Variants in IFT172 observed in about 807,000 individuals in gnomAD.
The protein encoded by IFT172 is intraflagellar transport protein 172 homolog.
IFT172 carries 164 observed loss-of-function variants against 248.9 expected under a neutral mutation model. That is an observed-to-expected ratio of 0.66 (90% CI 0.58 to 0.75). IFT172 has a LOEUF of 0.75. Among genes scored for constraint, IFT172 ranks in the 30% least tolerant of loss-of-function variants. The pLI is 0.00. For missense variants in IFT172, 1,950 were observed against 2,192.4 expected (o/e 0.89, Z 2.21); for synonymous variants, 729 against 791.6 (o/e 0.92, Z 1.33).
At chr2:27,457,404 T>C (rs1666245186) in intron 29 of IFT172, among the ~76,000 whole-genome samples, 1 of 152,058 alleles carries the variant, frequency 6.6e-6, no homozygotes. Flanking sequence ...AACTTGTCTC[T>C]ACAAAAAAAT....
At chr2:27,484,373 T>A (rs1285108467) in intron 3 of IFT172, 107 bp from the exon 4 acceptor site, 1 of 1,129,072 alleles carries the variant, frequency 8.9e-7, no homozygotes, top group Non-Finnish European at 1.3e-6. Flanking sequence ...GGGAGGATCA[T>A]GAGGTCAGGA....
Position 27,461,413 on chromosome 2 carries a change from C to G in IFT172, c.2298G>C (p.Gly766=). 6.2e-7 allele frequency: 1 copy of G among 1,614,212 alleles called. No homozygotes were observed. Among genetic ancestry groups the G allele is most frequent in the Non-Finnish European group, 8.5e-7 (1 of 1,180,036 alleles). Residue 766 remains glycine, a synonymous_variant, in exon 22 of 48, where the codon GGG becomes GGC. Transcript: ENST00000260570. The part of the protein sequence containing the change: ...AGELQESQGD[G]LAAISLYLKA... ...TGAGGTAGAGGCTGATGGCTGCTAG[C>G]CCATCCCCTTGGCTCTCCTGTAGTT...
chr2:27,453,331 T>C lies in IFT172; in HGVS notation c.3951+53A>G, dbSNP rs1665860931. ...TGAAGATGTGAGAAGCAGAGCCAAG[T>C]GTGAATAGAGGCCTAGGGAGAAGGA... On this transcript the variant is annotated intron_variant, in intron 35 of 47. Coordinates refer to ENST00000260570, the MANE Select transcript of IFT172 (RefSeq NM_015662.3). The C allele has an allele frequency of 1.9e-6, 3 of 1,609,006 alleles. No homozygotes were observed. The South Asian group carries it at 3.3e-5, about 18-fold the overall frequency.
intron 16 of IFT172, among the ~76,000 whole-genome samples, chr2:27,470,198 T>C (rs774843191): frequency 2.0e-5 from 3 of 149,332 alleles, no homozygotes; most frequent in African/African-American, 4.9e-5. Context: ...GAGCTATGAC[T>C]GTATCACTGC....
At chr2:27,460,008 T>G (rs1666524245) in intron 23 of IFT172, among the ~76,000 whole-genome samples, 179 bp from the exon 24 acceptor site, 1 of 152,120 alleles carries the variant, frequency 6.6e-6, no homozygotes, top group African/African-American at 2.4e-5. Flanking sequence ...GATCAGATTG[T>G]TACTGTGTCT....
Position 27,479,588 on chromosome 2 carries a change from C to A in IFT172, c.926G>T (p.Gly309Val). 6.2e-7 allele frequency: 1 copy of A among 1,611,370 alleles called. No individual in the cohort carries two copies. Among genetic ancestry groups the A allele is most frequent in the South Asian group, 1.1e-5 (1 of 91,036 alleles). Reference sequence around the variant, plus strand: ...GAGGCAGCAGTCAAACTGTTCCACCCCACCACATAGTGTGCCCTAGAAGGG... The same window carrying A: ...GAGGCAGCAGTCAAACTGTTCCACCACACCACATAGTGTGCCCTAGAAGGG... ...SRLCVGTLCG[G>V]VEQFDCCLRR... is the part of the protein sequence containing the mutation. The change falls in exon 10 of 48, where the codon GGG becomes GTG. Residue 309 changes from glycine (G) to valine (V), a missense_variant. This residue lies in a region of IFT172 where 1,166 missense variants were observed against 1,254.1 expected (regional missense o/e 0.93). Transcript: ENST00000260570.
Position 27,445,686 on chromosome 2 carries a change from C to G in IFT172, c.4914+59G>C, listed in dbSNP as rs747807136. 1.4e-4 allele frequency: 226 copies of G among 1,579,790 alleles called. No homozygotes were observed. The highest frequency in any genetic ancestry group is 1.9e-4 in the Non-Finnish European group (213 of 1,151,044). ...AAAGATGGCAGCACAAAGATATTCT[C>G]CCTCCTCAAGGCACTCACACTGGTG... is the stretch of plus-strand genomic sequence containing the variant. On this transcript the variant is annotated intron_variant, in intron 45 of 47. Coordinates refer to ENST00000260570, the MANE Select transcript of IFT172 (RefSeq NM_015662.3). This position sits in a 1 kb window ranked among gnomAD's most constrained non-coding sequence, Gnocchi z 4.4.
intron 2 of IFT172, 61 bp from the exon 3 acceptor site, chr2:27,485,191 A>G: frequency 6.9e-7 from 1 of 1,440,210 alleles, no homozygotes; most frequent in Non-Finnish European, 9.6e-7. Flanking sequence ...TGAAAGAGAA[A>G]AGAGAAAAAA....
intron 20 of IFT172, 67 bp from the exon 21 acceptor site, chr2:27,461,903 T>G: frequency 9.5e-6 from 15 of 1,575,282 alleles, no homozygotes; most frequent in African/African-American, 2.7e-5. Context: ...CAGCAAGCTC[T>G]CCTCAGCCTG....
rs1185416215 is a variant in IFT172, at chr2:27,445,001, C to T, written c.5160+13G>A. On this transcript the variant is annotated intron_variant, in intron 47 of 47. Transcript: ENST00000260570. The surrounding 1 kb of genome is among the most constrained non-coding windows in gnomAD (Gnocchi z 4.4). Reference sequence around the variant, plus strand: ...CCCTCTCTGCCTTCATTCTCCAAGTCCTCCTCTCTAACCTTGATGGCCATA... The same window carrying T: ...CCCTCTCTGCCTTCATTCTCCAAGTTCTCCTCTCTAACCTTGATGGCCATA... The T allele has an allele frequency of 4.3e-6, 7 of 1,612,124 alleles. No individual in the cohort carries two copies. Among genetic ancestry groups the T allele is most frequent in the African/African-American group, 1.3e-5 (1 of 74,796 alleles).
At chr2:27,444,961 CT>C (rs1558347706) in intron 47 of IFT172, 52 bp downstream of exon 47, 1 of 1,531,900 alleles carries the variant, frequency 6.5e-7, no homozygotes, top group African/African-American at 1.4e-5. Flanking sequence ...GTTTTTTTTT[CT>C]TTTTTTAGTG....
chr2:27,465,160 T>A, intron 18 of IFT172: 1 of 465,812 alleles, frequency 2.1e-6, no homozygotes, highest in South Asian at 2.9e-5. Flanking sequence ...GACCTTGTGA[T>A]CTGCCCACCT....
chr2:27,461,054 C>A lies in IFT172; in HGVS notation c.2482G>T (p.Ala828Ser). The A allele has an allele frequency of 1.2e-6, 2 of 1,614,092 alleles. No individual in the cohort carries two copies. The highest frequency in any genetic ancestry group is 1.7e-6 in the Non-Finnish European group (2 of 1,180,030). ...LFEKIHNPQK[A>S]LECYRKGNAF... ...TTGCCTTTACGGTAGCACTCCAGGGCCTTCTGTGGATTGTGAATCTTCTCA... is the reference window on the plus strand; with the variant it reads ...TTGCCTTTACGGTAGCACTCCAGGGACTTCTGTGGATTGTGAATCTTCTCA... The change falls in exon 23 of 48, where the codon GCC becomes TCC. Residue 828 changes from alanine to serine, a missense_variant. Physicochemically the swap from Ala to Ser is moderately conservative, Grantham distance 99. Around this residue, in one of 3 missense-constraint regions of IFT172, gnomAD observed 1,166 missense variants for 1,254.1 expected, o/e 0.93. Transcript: ENST00000260570.
chr2:27,479,987 GA>G, intron 9 of IFT172, 38 bp downstream of exon 9: 1 of 1,596,210 alleles, frequency 6.3e-7, no homozygotes, highest in Non-Finnish European at 8.5e-7. Flanking sequence ...CTAGTTTGGT[GA>G]AAGTCACCAA....
chr2:27,465,316 ACCTT>A (rs1667004213), intron 18 of IFT172, 91 bp downstream of exon 18: 1 of 984,144 alleles, frequency 1.0e-6, no homozygotes, highest in South Asian at 1.3e-5. Context: ...GGGAGGGAGT[ACCTT>A]AACACCGGAT....
intron 16 of IFT172, 109 bp from the exon 17 acceptor site, chr2:27,465,991 C>G: frequency 8.0e-7 from 1 of 1,249,574 alleles, no homozygotes; most frequent in Non-Finnish European, 1.1e-6. Flanking sequence ...AAGAGAGTCA[C>G]AGCGGCCCTG....
In IFT172 at chr2:27,465,421, T is replaced by C. The variant is rs749325695; in HGVS notation, c.1927A>G (p.Ile643Val). ...KLALEARQLHIAERCFSALGQ... is the reference protein window; with the variant it reads ...KLALEARQLHVAERCFSALGQ... Reference sequence around the variant, plus strand: ...ACATGTCTACCTCACCTCTCCGCAATGTGTAGTTGCCTTGCCTCTAGTGCC... The same window carrying C: ...ACATGTCTACCTCACCTCTCCGCAACGTGTAGTTGCCTTGCCTCTAGTGCC... The change falls in exon 18 of 48, where the codon ATT becomes GTT. Residue 643 changes from isoleucine to valine, a missense_variant. This residue lies in a region of IFT172 where 1,166 missense variants were observed against 1,254.1 expected (regional missense o/e 0.93). Coordinates refer to ENST00000260570, the MANE Select transcript of IFT172 (RefSeq NM_015662.3). 1 of 1,613,808 alleles carries C rather than the reference T, an allele frequency of 6.2e-7. No individual in the cohort carries two copies. The highest frequency in any genetic ancestry group is 1.1e-5 in the South Asian group (1 of 91,078).
At position 27,449,763 on chromosome 2, in the gene IFT172, T is replaced by C. The variant is rs1164069887; in HGVS notation, c.4088A>G (p.Glu1363Gly). ...ELYLNLDLVK[E>G]AIDAFIEGEE... is the part of the protein sequence containing the mutation. ...ACCCTCGATGAAAGCATCGATTGCT[T>C]CCTTGACAAGGTCCAGATTCAGATA... Residue 1363 changes from glutamate (E) to glycine (G), a missense_variant, in exon 37 of 48, where the codon GAA (glutamate) becomes GGA (glycine). This residue lies in a region of IFT172 where 620 missense variants were observed against 699.0 expected (regional missense o/e 0.89). Transcript: ENST00000260570. The C allele has an allele frequency of 1.2e-6, 2 of 1,614,028 alleles. No homozygotes were observed. Among genetic ancestry groups the C allele is most frequent in the Non-Finnish European group, 1.7e-6 (2 of 1,179,934 alleles).
chr2:27,477,079 C>T (rs1408700564), intron 13 of IFT172, 138 bp downstream of exon 13: 2 of 760,022 alleles, frequency 2.6e-6, no homozygotes, highest in Non-Finnish European at 4.5e-6. Flanking sequence ...CTTGCCTCCT[C>T]CTCCCAAAGT....
Sources: allele counts gnomAD v4.1 joint callset (sites outside exome capture counted in the v4.1 genomes callset), GRCh38; gene constraint gnomAD v4.1.1; regional missense constraint gnomAD v4.1.1; non-coding constraint Gnocchi (gnomAD v3.1); transcripts MANE v1.5; gene names NCBI Gene and HGNC (gene_info 2026-07-23, HGNC 2026-07-21).